COBL: variants seen among roughly 807,000 people sequenced by gnomAD.
COBL encodes the protein cordon-bleu WH2 repeat protein.
A neutral mutation model predicts 98.8 loss-of-function variants in COBL; 51 were observed. The ratio of observed to expected loss-of-function variants is 0.52; its 90% CI spans 0.41 to 0.65. The LOEUF (loss-of-function observed/expected upper bound fraction) is 0.65, where lower values mean the gene tolerates loss of function less well. Ranked by LOEUF, COBL falls within the 30% of genes least tolerant of loss-of-function variation. COBL has a pLI of 0.00. For missense variants in COBL, 1,617 were observed against 1,617.5 expected (o/e 1.00, Z 0.01); for synonymous variants, 634 against 651.7 (o/e 0.97, Z 0.41).
At chr7:51,259,737 G>T in intron 1 of COBL, 1 of 743,602 alleles carries the variant, frequency 1.3e-6, no homozygotes, top group Non-Finnish European at 2.5e-6. Flanking sequence ...GCAGACTTCA[G>T]ATGTGGAAAT....
At chr7:51,179,126 AAACAGGGACCCTGG>A (rs1486377718) in intron 5 of COBL, among the ~76,000 whole-genome samples, 1 of 152,216 alleles carries the variant, frequency 6.6e-6, no homozygotes, top group Non-Finnish European at 1.5e-5. Context: ...CTGGAAATCC[AAACAGGGACCCTGG>A]AACTCCAAAA....
At chr7:51,138,052 A>G (rs952190972) in intron 5 of COBL, among the ~76,000 whole-genome samples, 2 of 152,190 alleles carry the variant, frequency 1.3e-5, no homozygotes, top group African/African-American at 4.8e-5. Context: ...CTTAAATATT[A>G]AAGCCAAAGG....
chr7:51,231,801 T>C (rs1424781355), intron 1 of COBL, among the ~76,000 whole-genome samples: 2 of 152,016 alleles, frequency 1.3e-5, no homozygotes, highest in Non-Finnish European at 2.9e-5. Context: ...CACCCGCAGA[T>C]AAACGCCACA....
intron 7 of COBL, chr7:51,083,070 G>C: frequency 2.6e-6 from 4 of 1,536,206 alleles, no homozygotes; most frequent in Non-Finnish European, 3.5e-6. Flanking sequence ...TTGGGTATCG[G>C]GTCTGAGGCC....
At chr7:51,137,582 T>C (rs999786491) in intron 5 of COBL, among the ~76,000 whole-genome samples, 1 of 129,224 alleles carries the variant, frequency 7.7e-6, no homozygotes, top group African/African-American at 2.5e-5. Flanking sequence ...GAGATCCCAC[T>C]TCTTTAAAAA....
intron 1 of COBL, among the ~76,000 whole-genome samples, chr7:51,232,883 TC>T (rs748680286): frequency 3.2e-4 from 49 of 152,314 alleles, no homozygotes; most frequent in Admixed American, 8.5e-4. Context: ...TTCAATTTCT[TC>T]CTGGGTTGTT....
chr7:51,040,935 C>T (rs80122208), intron 8 of COBL, among the ~76,000 whole-genome samples: 2,036 of 152,310 alleles, frequency 0.013, 29 homozygotes, highest in African/African-American at 0.047. Context: ...CAGCATCCCG[C>T]GGGGTGCAGA....
intron 12 of COBL, among the ~76,000 whole-genome samples, chr7:51,024,620 T>G (rs1362148192): frequency 1.3e-5 from 2 of 152,024 alleles, no homozygotes; most frequent in African/African-American, 4.8e-5. Context: ...TCCGTAACTG[T>G]CCAACATTAG....
rs561809534 is a variant in COBL at position 51,201,138 on chromosome 7, G to T, written c.246-7549C>A. 9.9e-5 allele frequency among the ~76,000 whole-genome samples: 15 copies of T among 151,800 alleles called. No homozygotes were observed. In the South Asian group the frequency reaches 3.1e-3, roughly 32 times the overall value. On this transcript the variant is annotated intron_variant, in intron 2 of 12. Transcript: ENST00000265136. Reference sequence around the variant, plus strand: ...GCCTTTAATCCCTGCTACTTGGGAGGCTGAGGCAGAAGAATTGCTTGAACC... The same window carrying T: ...GCCTTTAATCCCTGCTACTTGGGAGTCTGAGGCAGAAGAATTGCTTGAACC...
At position 51,027,762 on chromosome 7, in the gene COBL, C is replaced by T. The variant is rs1787715270; in HGVS notation, c.3334G>A (p.Ala1112Thr). 2 of 1,614,154 alleles carry T rather than the reference C, an allele frequency of 1.2e-6. No homozygotes were observed. Among genetic ancestry groups the T allele is most frequent in the Non-Finnish European group, 8.5e-7 (1 of 1,180,022 alleles). The change falls in exon 10 of 13, where the codon GCC (alanine) becomes ACC (threonine). Residue 1112 changes from alanine (A) to threonine (T), a missense_variant. Coordinates refer to ENST00000265136, the MANE Select transcript of COBL (RefSeq NM_015198.5). ...GCAGAGTGGATGGCTTCCATCAGGG[C>T]AGAGTGCAGGGATGTGTCTTTTGGG... ...PVPKDTSLHS[A>T]LMEAIHSAGG...
rs557127467 is a variant in COBL at position 51,036,990 on chromosome 7, C to T, written c.1407-6081G>A. Among the ~76,000 whole-genome samples, 9 of 152,254 alleles carry T rather than the reference C, an allele frequency of 5.9e-5. No individual in the cohort carries two copies. In the South Asian group the frequency reaches 1.9e-3, roughly 32 times the overall value. On this transcript the variant is annotated intron_variant, in intron 8 of 12. Coordinates refer to ENST00000265136, the MANE Select transcript of COBL (RefSeq NM_015198.5). ...AGAATTCAAGAGTTTATAATCAGTG[C>T]TAGTTCCACTGTTCCTTCCCTGCAG...
chr7:51,059,846 T>C (rs1351985410), intron 7 of COBL, among the ~76,000 whole-genome samples: 1 of 152,190 alleles, frequency 6.6e-6, no homozygotes, highest in Non-Finnish European at 1.5e-5. Flanking sequence ...ATCTGAAGTT[T>C]TTCTACTTCT....
At chr7:51,044,621 T>C (rs1204062127) in intron 7 of COBL, among the ~76,000 whole-genome samples, 3 of 152,250 alleles carry the variant, frequency 2.0e-5, no homozygotes, top group Non-Finnish European at 2.9e-5. Context: ...GCACTATTTA[T>C]AACAGTCCAG....
chr7:51,065,072 C>A, intron 7 of COBL: 1 of 645,478 alleles, frequency 1.5e-6, no homozygotes, highest in South Asian at 1.8e-5. Flanking sequence ...ATTTAGAAGT[C>A]GGTCCATAGA....
intron 5 of COBL, 71 bp downstream of exon 5, chr7:51,184,031 T>A: frequency 1.4e-6 from 1 of 733,470 alleles, no homozygotes; most frequent in African/African-American, 1.8e-5. Flanking sequence ...CCAGGACAGG[T>A]TGAATGCATG....
At chr7:51,040,887 C>T (rs1307231266) in intron 8 of COBL, among the ~76,000 whole-genome samples, 5 of 152,236 alleles carry the variant, frequency 3.3e-5, no homozygotes, top group Non-Finnish European at 5.9e-5. Context: ...TTTACATCAA[C>T]GGTCAGCACC....
chr7:51,138,405 G>T (rs1216723491), intron 5 of COBL, among the ~76,000 whole-genome samples: 1 of 152,180 alleles, frequency 6.6e-6, no homozygotes, highest in Non-Finnish European at 1.5e-5. Context: ...AACCCTGCAG[G>T]ATCTAGAAGA....
At chr7:51,193,100 C>T (rs558423980) in intron 3 of COBL, among the ~76,000 whole-genome samples, 3 of 152,170 alleles carry the variant, frequency 2.0e-5, no homozygotes, top group Non-Finnish European at 2.9e-5. Context: ...AAGACCATGC[C>T]CCTCTTTGAA....
chr7:51,207,637 G>A (rs1379733213), intron 2 of COBL, among the ~76,000 whole-genome samples: 1 of 152,248 alleles, frequency 6.6e-6, no homozygotes, highest in East Asian at 1.9e-4. Context: ...TCACTGTGTT[G>A]GCCGGGCTGG....
Sources: allele counts gnomAD v4.1 joint callset (sites outside exome capture counted in the v4.1 genomes callset), GRCh38; gene constraint gnomAD v4.1.1; transcripts MANE v1.5; gene names NCBI Gene and HGNC (gene_info 2026-07-23, HGNC 2026-07-21).